The following IDH2 variants were observed in gnomAD, a reference collection of about 807,000 sequenced individuals.
IDH2 encodes the protein isocitrate dehydrogenase [NADP], mitochondrial.
A neutral mutation model predicts 50.5 loss-of-function variants in IDH2; 18 were observed. That is an observed-to-expected ratio of 0.36 (90% CI 0.25 to 0.53). The LOEUF (loss-of-function observed/expected upper bound fraction) is 0.53. Among genes scored for constraint, IDH2 ranks in the 20% least tolerant of loss-of-function variants. The probability of loss-of-function intolerance (pLI) is 0.92; values close to 1 mark genes in which losing one functional copy is unlikely to be tolerated. For synonymous variants in IDH2, 280 were observed against 239.8 expected (o/e 1.17, Z -1.55); for missense variants, 518 against 610.7 (o/e 0.85, Z 1.60).
chr15:90,087,011 C>A, intron 7 of IDH2, 101 bp downstream of exon 7: 1 of 1,308,322 alleles, frequency 7.6e-7, no homozygotes, highest in Non-Finnish European at 1.1e-6. Context: ...TGCAATGAGT[C>A]CTGCTCCACT....
intron 1 of IDH2, among the ~76,000 whole-genome samples, chr15:90,101,141 G>C (rs1339256588): frequency 6.6e-6 from 1 of 152,024 alleles, no homozygotes; most frequent in Non-Finnish European, 1.5e-5. Context: ...TCCTTGGCAG[G>C]GAAGGTAGGA....
At position 90,084,739 on chromosome 15, in the gene IDH2, G is replaced by A. The variant is rs1900811047; in HGVS notation, c.1271+77C>T. The A allele has an allele frequency of 3.4e-6, 4 of 1,176,224 alleles. No individual in the cohort carries two copies. The highest frequency in any genetic ancestry group is 5.1e-6 in the Non-Finnish European group (4 of 789,936). The allele number at this position is 1,176,224 out of a possible 1,614,324, so 72.9% of individuals were successfully genotyped here. On this transcript the variant is annotated intron_variant, in intron 10 of 10. Coordinates refer to ENST00000330062, the MANE Select transcript of IDH2 (RefSeq NM_002168.4). The surrounding 1 kb of genome is among the most constrained non-coding windows in gnomAD (Gnocchi z 5.0). ...CCCCCTTGCAGCTAAGCTGACTCAT[G>A]AGGGGGACTTTAGGAGGGGTCCCCT...
At chr15:90,102,065 G>A (rs1010635359) in intron 1 of IDH2, among the ~76,000 whole-genome samples, 1 of 151,916 alleles carries the variant, frequency 6.6e-6, no homozygotes, top group East Asian at 1.9e-4. Flanking sequence ...AGTTGCCACC[G>A]TCCCTCAAGT....
In IDH2 at chr15:90,087,453, C is replaced by T; in HGVS notation, c.801G>A (p.Gln267=). 3.7e-6 allele frequency: 6 copies of T among 1,614,198 alleles called. No individual in the cohort carries two copies. The highest frequency in any genetic ancestry group is 5.1e-6 in the Non-Finnish European group (6 of 1,180,022). Residue 267 remains glutamine, a synonymous_variant, in exon 6 of 11, where the codon CAG becomes CAA. Transcript: ENST00000330062. Reference sequence around the variant, plus strand: ...TGAGGCTTTACTTGTCAAAGATCTCCTGGAAGATGTCCTTGAAACGCCCAT... The same window carrying T: ...TGAGGCTTTACTTGTCAAAGATCTCTTGGAAGATGTCCTTGAAACGCCCAT... ...AYDGRFKDIF[Q]EIFDKHYKTD... is the part of the protein sequence containing the mutation.
chr15:90,085,487 T>C lies in IDH2; in HGVS notation c.968-100A>G. ...CAACCCAATATTGTAGCTGCCATAG[T>C]TCGTGGCTCTACTCAGCCTCCCCCA... On this transcript the variant is annotated intron_variant, in intron 7 of 10. Transcript: ENST00000330062. The surrounding 1 kb of genome is among the most constrained non-coding windows in gnomAD (Gnocchi z 5.5). 3.6e-6 allele frequency: 3 copies of C among 838,856 alleles called. No homozygotes were observed. The highest frequency in any genetic ancestry group is 2.0e-6 in the Non-Finnish European group (1 of 506,116). 52.0% of individuals were successfully genotyped at this position (838,856 alleles called of 1,614,324 possible).
chr15:90,097,262 G>A (rs571912485), intron 1 of IDH2, among the ~76,000 whole-genome samples: 43 of 152,322 alleles, frequency 2.8e-4, no homozygotes, highest in African/African-American at 1.0e-3. Context: ...TTTCATTACA[G>A]TATATTGTTA....
Position 90,102,404 on chromosome 15 carries a change from G to C in IDH2, c.-14C>G. On this transcript the variant is annotated 5_prime_UTR_variant, in exon 1 of 11. Transcript: ENST00000330062. ...GTAGCCGGCCATCCCAAGCTGGAGA[G>C]CGAACGAGCAGGGCGGGAGAGGTCC... The C allele has an allele frequency of 7.6e-7, 1 of 1,318,464 alleles. No individual in the cohort carries two copies. Among genetic ancestry groups the C allele is most frequent in the African/African-American group, 1.5e-5 (1 of 65,916 alleles). 81.7% of individuals were successfully genotyped at this position (1,318,464 alleles called of 1,614,324 possible).
rs780132243 is a variant in IDH2, at chr15:90,088,470, G to A, written c.567C>T (p.Ala189=). The A allele has an allele frequency of 7.4e-6, 12 of 1,614,068 alleles. No individual in the cohort carries two copies. Among genetic ancestry groups the A allele is most frequent in the South Asian group, 4.4e-5 (4 of 91,088 alleles). Residue 189 remains alanine, a synonymous_variant, in exon 5 of 11, where the codon GCC becomes GCT. Coordinates refer to ENST00000330062, the MANE Select transcript of IDH2 (RefSeq NM_002168.4). ...GGGTGAAGACCATTTTGAAAGTGCC[G>A]GCCCGGTCTGCCACAAAGTCTGTGG... is the stretch of plus-strand genomic sequence containing the variant. ...YKATDFVADR[A]GTFKMVFTPK...
In IDH2 at chr15:90,084,342, T is replaced by C. The variant is rs1900800637; in HGVS notation, c.1283A>G (p.Asn428Ser). 6.2e-7 allele frequency: 1 copy of C among 1,613,918 alleles called. No individual in the cohort carries two copies. Among genetic ancestry groups the C allele is most frequent in the Non-Finnish European group, 8.5e-7 (1 of 1,179,912 alleles). The part of the protein sequence containing the change: ...CIHGLSNVKL[N>S]EHFLNTTDFL... Reference sequence around the variant, plus strand: ...GTCCGTGGTGTTCAGGAAGTGCTCGTTCAGCTTCACACTGCAGAGAGAGCA... The same window carrying C: ...GTCCGTGGTGTTCAGGAAGTGCTCGCTCAGCTTCACACTGCAGAGAGAGCA... Residue 428 changes from asparagine (N) to serine (S), a missense_variant, in exon 11 of 11, where the codon AAC becomes AGC. By Grantham distance (46) the Asn-to-Ser change is conservative (BLOSUM62 1). Transcript: ENST00000330062. The surrounding 1 kb of genome is among the most constrained non-coding windows in gnomAD (Gnocchi z 5.0).
intron 1 of IDH2, among the ~76,000 whole-genome samples, chr15:90,092,157 C>A (rs1194011070): frequency 6.6e-6 from 1 of 152,092 alleles, no homozygotes; most frequent in Non-Finnish European, 1.5e-5. Flanking sequence ...TTATATATTA[C>A]AATGTAATAA....
At chr15:90,102,021 C>A (rs554671231) in intron 1 of IDH2, among the ~76,000 whole-genome samples, 1 of 152,098 alleles carries the variant, frequency 6.6e-6, no homozygotes, top group South Asian at 2.1e-4. Context: ...CCCGAGCCCC[C>A]GCCCGCGCAG....
rs995162119 is a variant in IDH2, at chr15:90,084,095, G to A, written c.*171C>T. The A allele has an allele frequency of 6.4e-6, 4 of 624,714 alleles. No individual in the cohort carries two copies. Among genetic ancestry groups the A allele is most frequent in the Admixed American group, 5.1e-5 (2 of 39,592 alleles). 38.7% of individuals were successfully genotyped at this position (624,714 alleles called of 1,614,324 possible). On this transcript the variant is annotated 3_prime_UTR_variant, in exon 11 of 11. Coordinates refer to ENST00000330062, the MANE Select transcript of IDH2 (RefSeq NM_002168.4). The surrounding 1 kb of genome is among the most constrained non-coding windows in gnomAD (Gnocchi z 5.0). ...GTAAAACGCACTGCTCCTGCCTCAC[G>A]TCACCATGAGGGGAAACACACATAT...
chr15:90,090,896 C>T (rs1024996068), intron 2 of IDH2, among the ~76,000 whole-genome samples: 1 of 152,172 alleles, frequency 6.6e-6, no homozygotes, highest in African/African-American at 2.4e-5. Context: ...AGGGTTCTTC[C>T]TCCACTGTGC....
chr15:90,083,678 A>G lies in IDH2; in HGVS notation c.*588T>C, dbSNP rs1900780392. ...GTTTAGAAGGTTAAAACCAACGAAGAAAAAAATCAATGACAACCTATCAGG... is the reference window on the plus strand; with the variant it reads ...GTTTAGAAGGTTAAAACCAACGAAGGAAAAAATCAATGACAACCTATCAGG... On this transcript the variant is annotated 3_prime_UTR_variant, in exon 11 of 11. Transcript: ENST00000330062. The G allele has an allele frequency of 6.0e-6, 1 of 166,512 alleles. No individual in the cohort carries two copies. Among genetic ancestry groups the G allele is most frequent in the Non-Finnish European group, 1.3e-5 (1 of 76,308 alleles). The allele number at this position is 166,512 out of a possible 1,614,324, so 10.3% of individuals were successfully genotyped here.
rs1251398993 is a variant in IDH2, at chr15:90,084,207, A to G, written c.*59T>C. 6.9e-7 allele frequency: 1 copy of G among 1,450,228 alleles called. No individual in the cohort carries two copies. The highest frequency in any genetic ancestry group is 2.3e-5 in the East Asian group (1 of 43,340). 89.8% of individuals were successfully genotyped at this position (1,450,228 alleles called of 1,614,324 possible). ...GTGAGGCTCACCCTCTGCCGCGCTC[A>G]GGAGGACCCGCCGGCTCAGCCCTGG... is the stretch of plus-strand genomic sequence containing the variant. On this transcript the variant is annotated 3_prime_UTR_variant, in exon 11 of 11. Coordinates refer to ENST00000330062, the MANE Select transcript of IDH2 (RefSeq NM_002168.4). The surrounding 1 kb of genome is among the most constrained non-coding windows in gnomAD (Gnocchi z 5.0).
intron 4 of IDH2, 31 bp from the exon 5 acceptor site, chr15:90,088,533 A>G (rs2151549395): frequency 6.2e-7 from 1 of 1,614,148 alleles, no homozygotes; most frequent in Non-Finnish European, 8.5e-7. Flanking sequence ...CTAGGCGAGG[A>G]GCTCCAGTCG....
In IDH2 at chr15:90,088,517, G is replaced by A. The variant is rs370791067; in HGVS notation, c.535-15C>T. On this transcript the variant is annotated splice_polypyrimidine_tract_variant and intron_variant, in intron 4 of 10. Coordinates refer to ENST00000330062, the MANE Select transcript of IDH2 (RefSeq NM_002168.4). ...GTGGCCTTGTACTGCAGAGACAAGA[G>A]GATGGCTAGGCGAGGAGCTCCAGTC... The A allele has an allele frequency of 2.5e-6, 4 of 1,614,230 alleles. No individual in the cohort carries two copies. The highest frequency in any genetic ancestry group is 2.5e-6 in the Non-Finnish European group (3 of 1,180,038).
chr15:90,093,596 T>TA lies in IDH2; in HGVS notation c.116-1953dup, dbSNP rs1180410303. Reference sequence around the variant, plus strand: ...CAAGGAGGTATCATTACCTCCATTTTATTTAATTAATTAATTTATTTATTT... The same window carrying TA: ...CAAGGAGGTATCATTACCTCCATTTTAATTTAATTAATTAATTTATTTATTT... On this transcript the variant is annotated intron_variant, in intron 1 of 10. Coordinates refer to ENST00000330062, the MANE Select transcript of IDH2 (RefSeq NM_002168.4). Among the ~76,000 whole-genome samples, 30 of 136,234 alleles carry TA rather than the reference T, an allele frequency of 2.2e-4. No homozygotes were observed. The East Asian group carries it at 7.1e-3, about 32-fold the overall frequency. The allele number at this position is 136,234 out of a possible 152,430, so 89.4% of individuals were successfully genotyped here. A position where few individuals can be genotyped will look rare whatever the true frequency, so the allele number is the denominator to read the frequency against.
intron 1 of IDH2, among the ~76,000 whole-genome samples, chr15:90,092,119 C>T (rs1020388868): frequency 1.3e-5 from 2 of 152,182 alleles, no homozygotes; most frequent in African/African-American, 4.8e-5. Context: ...CCCGATTGTA[C>T]ATTATGGTGA....
Sources: gnomAD v4.1 joint callset for allele counts (sites outside exome capture counted in the v4.1 genomes callset) on GRCh38, gnomAD v4.1.1 for gene constraint, Gnocchi (gnomAD v3.1) non-coding constraint, MANE v1.5 for transcripts, NCBI Gene and HGNC (gene_info 2026-07-23, HGNC 2026-07-21) for gene names.